Variants in MAPK10 observed in about 807,000 individuals in gnomAD.
MAPK10 encodes the protein mitogen-activated protein kinase 10.
In MAPK10, 25 loss-of-function variants were observed where a neutral mutation model predicts 59.3. The ratio of observed to expected loss-of-function variants is 0.42; its 90% confidence interval spans 0.31 to 0.59. The LOEUF (loss-of-function observed/expected upper bound fraction) is 0.59. Among genes scored for constraint, MAPK10 ranks in the 20% least tolerant of loss-of-function variants. The pLI, the probability that MAPK10 is intolerant of heterozygous loss-of-function variation, is 0.15. For missense variants in MAPK10, 351 were observed against 568.9 expected (o/e 0.62, Z 3.90); for synonymous variants, 190 against 200.5 (o/e 0.95, Z 0.44).
chr4:86,437,029 G>A (rs766539300), intron 1 of MAPK10, among the ~76,000 whole-genome samples: 26 of 152,068 alleles, frequency 1.7e-4, no homozygotes, highest in Admixed American at 3.3e-4. Context: ...TGGCTAACAC[G>A]GTGAAACCAC....
intron 1 of MAPK10, among the ~76,000 whole-genome samples, chr4:86,452,180 C>T (rs1054523198): frequency 7.2e-5 from 11 of 152,050 alleles, no homozygotes; most frequent in African/African-American, 2.7e-4. Context: ...ATGCAGAGAC[C>T]CAAGGAAGAA....
rs369752021 is a variant in MAPK10 at position 86,228,725 on chromosome 4, T to C, written c.-6-34318A>G. Among the ~76,000 whole-genome samples the C allele has an allele frequency of 5.3e-5, 8 of 152,342 alleles. No homozygotes were observed. In the East Asian group the frequency reaches 1.3e-3, roughly 26 times the overall value. ...AATGAACTTCTTCGGGAAAGAAATA[T>C]CTGATCCATGTTTGTATCCCCAGCA... On this transcript the variant is annotated intron_variant, in intron 2 of 13. Transcript: ENST00000641462.
At chr4:86,525,353 A>G (rs1325600728) in intron 1 of MAPK10, among the ~76,000 whole-genome samples, 1 of 152,136 alleles carries the variant, frequency 6.6e-6, no homozygotes, top group Non-Finnish European at 1.5e-5. Context: ...AGAGTGCTAA[A>G]ATTCAATTTA....
At chr4:86,242,257 C>A (rs1272903877) in intron 2 of MAPK10, among the ~76,000 whole-genome samples, 1 of 152,250 alleles carries the variant, frequency 6.6e-6, no homozygotes, top group Middle Eastern at 3.4e-3. Context: ...CCTCGAGAGG[C>A]ACCAACCTGA....
intron 9 of MAPK10, among the ~76,000 whole-genome samples, chr4:86,068,684 T>C (rs2047183693): frequency 1.3e-5 from 2 of 152,158 alleles, no homozygotes; most frequent in Non-Finnish European, 2.9e-5. Context: ...CATCCAAGTT[T>C]AGAAAGTACA....
intron 4 of MAPK10, among the ~76,000 whole-genome samples, chr4:86,154,291 T>C (rs2067165714): frequency 6.6e-6 from 1 of 152,100 alleles, no homozygotes; most frequent in African/African-American, 2.4e-5. Context: ...GAAATTGTGC[T>C]GCAGATTTAA....
rs1176438402 is a variant in MAPK10 at position 86,207,160 on chromosome 4, T to C, written c.-6-12753A>G. On this transcript the variant is annotated intron_variant, in intron 2 of 13. Transcript: ENST00000641462. ...GAATGGTAATGCCTAGGTTTTCTTC[T>C]AGGGTTTTTATGGTTTTAGGTCTAA... 2.6e-5 allele frequency among the ~76,000 whole-genome samples: 4 copies of C among 151,562 alleles called. No homozygotes were observed. The East Asian group carries it at 7.8e-4, about 29-fold the overall frequency.
At chr4:86,360,274 G>C (rs1014766847), upstream of MAPK10, 189 of 867,966 alleles carry the variant, frequency 2.2e-4, no homozygotes, top group Non-Finnish European at 2.5e-4. Flanking sequence ...GCCAACATCA[G>C]CAACTACGAC....
chr4:86,530,711 T>C (rs1207210771), intron 1 of MAPK10, among the ~76,000 whole-genome samples: 1 of 152,162 alleles, frequency 6.6e-6, no homozygotes, highest in Non-Finnish European at 1.5e-5. Context: ...TCCTGAAGGC[T>C]CTGCCCTTAT....
chr4:86,066,258 A>T (rs1324808560), intron 10 of MAPK10, among the ~76,000 whole-genome samples: 1 of 152,200 alleles, frequency 6.6e-6, no homozygotes, highest in Admixed American at 6.5e-5. Context: ...TCTGTACCGC[A>T]CAGGAATAAC....
intron 1 of MAPK10, among the ~76,000 whole-genome samples, chr4:86,522,262 G>T (rs1168933261): frequency 6.6e-6 from 1 of 152,098 alleles, no homozygotes; most frequent in African/African-American, 2.4e-5. Flanking sequence ...TTGAAAGTAG[G>T]TGTCAAGAAT....
At chr4:86,085,933 G>A (rs866290000) in intron 9 of MAPK10, among the ~76,000 whole-genome samples, 108 of 152,192 alleles carry the variant, frequency 7.1e-4, no homozygotes, top group African/African-American at 2.5e-3. Context: ...GACAAACACT[G>A]CATGTTCTCA....
chr4:86,198,356 G>A (rs1452466062), intron 2 of MAPK10, among the ~76,000 whole-genome samples: 1 of 152,026 alleles, frequency 6.6e-6, no homozygotes, highest in Non-Finnish European at 1.5e-5. Flanking sequence ...GAGGTCACCT[G>A]AACATTACAT....
At chr4:86,267,622 T>G (rs969674737) in intron 2 of MAPK10, among the ~76,000 whole-genome samples, 2 of 152,130 alleles carry the variant, frequency 1.3e-5, no homozygotes, top group African/African-American at 4.8e-5. Context: ...TCATTTATGT[T>G]GACCTCTTTG....
intron 4 of MAPK10, among the ~76,000 whole-genome samples, chr4:86,144,607 C>A (rs150177472): frequency 1.4e-3 from 215 of 152,298 alleles, no homozygotes; most frequent in African/African-American, 4.7e-3. Flanking sequence ...CTCTCCCTCT[C>A]TTTCCTTCTC....
intron 2 of MAPK10, among the ~76,000 whole-genome samples, chr4:86,299,636 C>G (rs369555817): frequency 1.3e-5 from 2 of 152,270 alleles, no homozygotes; most frequent in South Asian, 2.1e-4. Context: ...CCTAGACATA[C>G]TAAGATATTT....
chr4:86,127,557 T>A lies in MAPK10; in HGVS notation c.237-20205A>T, dbSNP rs145166155. 3.3e-5 allele frequency: 5 copies of A among 152,164 alleles called. 1 individual carries two copies. In the East Asian group the frequency reaches 9.6e-4, roughly 29 times the overall value. 9.4% of individuals were successfully genotyped at this position (152,164 alleles called of 1,614,324 possible). On this transcript the variant is annotated intron_variant, in intron 4 of 13. Transcript: ENST00000641462. ...TTTAATATGAAATCTCATTTCCCCA[T>A]AACACTTCATCTTCTCCTAAAATTT...
Position 86,359,821 on chromosome 4 carries a change from C to T in MAPK10, c.-285G>A, listed in dbSNP as rs1326306580. ...ATGGACAGGTGATTTCCAAGAAAACCCAATCTTAAACTCACTCAAGCCCCT... is the reference window on the plus strand; with the variant it reads ...ATGGACAGGTGATTTCCAAGAAAACTCAATCTTAAACTCACTCAAGCCCCT... On this transcript the variant is annotated 5_prime_UTR_variant, in exon 1 of 14. Coordinates refer to ENST00000641462, the MANE Select transcript of MAPK10 (RefSeq NM_138982.4). 1 of 985,434 alleles carries T rather than the reference C, an allele frequency of 1.0e-6. No homozygotes were observed. Among genetic ancestry groups the T allele is most frequent in the African/African-American group, 1.7e-5 (1 of 57,206 alleles). 61.0% of individuals were successfully genotyped at this position (985,434 alleles called of 1,614,324 possible).
At position 86,015,482 on chromosome 4, in the gene MAPK10, G is replaced by A. The variant is rs900622312; in HGVS notation, c.*1746C>T. On this transcript the variant is annotated 3_prime_UTR_variant, in exon 14 of 14. Coordinates refer to ENST00000641462, the MANE Select transcript of MAPK10 (RefSeq NM_138982.4). The stretch of plus-strand genomic sequence containing the variant: ...CACCACTCTAGTGAGCACCAACATG[G>A]TCAGAGTGCAAATAACTGTGATGGA... 6.6e-6 allele frequency: 1 copy of A among 152,158 alleles called. No homozygotes were observed. The highest frequency in any genetic ancestry group is 2.4e-5 in the African/African-American group (1 of 41,406). The allele number at this position is 152,158 out of a possible 1,614,324, so 9.4% of individuals were successfully genotyped here. A position where few individuals can be genotyped will look rare whatever the true frequency, so the allele number is the denominator to read the frequency against.
Sources: allele counts gnomAD v4.1 joint callset (sites outside exome capture counted in the v4.1 genomes callset), GRCh38; gene constraint gnomAD v4.1.1; transcripts MANE v1.5; gene names NCBI Gene and HGNC (gene_info 2026-07-23, HGNC 2026-07-21).